RASA3: variants seen among roughly 807,000 people sequenced by gnomAD.
The protein encoded by RASA3 is RAS p21 protein activator 3.
A neutral mutation model predicts 110.0 loss-of-function variants in RASA3; 73 were observed. The observed-to-expected ratio is 0.66, with a 90% CI of 0.55 to 0.81. The LOEUF (loss-of-function observed/expected upper bound fraction) is 0.81, where lower values mean the gene tolerates loss of function less well. RASA3 is among the 30% of genes least tolerant of loss of function. The pLI, the probability that RASA3 is intolerant of heterozygous loss-of-function variation, is 0.00. For synonymous variants in RASA3, 500 were observed against 451.4 expected (o/e 1.11, Z -1.37); for missense variants, 976 against 1,113.2 (o/e 0.88, Z 1.75).
At chr13:114,105,599 G>A (rs573911715) in intron 1 of RASA3, among the ~76,000 whole-genome samples, 6 of 152,252 alleles carry the variant, frequency 3.9e-5, no homozygotes, top group South Asian at 4.2e-4. Flanking sequence ...AGGCACATCC[G>A]GGGCCAGCAC....
intron 1 of RASA3, among the ~76,000 whole-genome samples, chr13:114,097,937 G>A (rs2079967264): frequency 6.6e-6 from 1 of 152,342 alleles, no homozygotes; most frequent in South Asian, 2.1e-4. Context: ...CCCACCACAG[G>A]GGGTCCAGGG....
intron 2 of RASA3, among the ~76,000 whole-genome samples, chr13:114,055,116 A>C (rs925822411): frequency 6.6e-6 from 1 of 150,798 alleles, no homozygotes. Flanking sequence ...GTGTGTCCCC[A>C]CAGGCAGGTG....
intron 1 of RASA3, among the ~76,000 whole-genome samples, chr13:114,093,785 C>CT (rs71210917): frequency 0.39 from 59,444 of 151,588 alleles, 13,660 homozygotes; most frequent in Non-Finnish European, 0.52. Context: ...TTCAAATACT[C>CT]TGTCTTTGAG....
intron 3 of RASA3, among the ~76,000 whole-genome samples, chr13:114,043,209 T>C (rs1401406831): frequency 1.3e-5 from 2 of 152,136 alleles, no homozygotes; most frequent in Admixed American, 6.5e-5. Flanking sequence ...GGCCACATGA[T>C]GGAGCACCAC....
At position 113,984,330 on chromosome 13, in the gene RASA3, C is replaced by A. The variant is rs1285326050; in HGVS notation, c.2246-2472G>T. ...ACCCTATCCATCCACCCATCACTCA[C>A]CCATCCGTCCACCTACCCATCACTC... On this transcript the variant is annotated intron_variant, in intron 22 of 23. Transcript: ENST00000334062. Among the ~76,000 whole-genome samples the A allele has an allele frequency of 2.4e-5, 3 of 123,134 alleles. 1 individual carries two copies. The East Asian group carries it at 8.0e-4, about 33-fold the overall frequency. The allele number at this position is 123,134 out of a possible 152,430, so 80.8% of individuals were successfully genotyped here.
In RASA3 at chr13:114,029,795, T is replaced by C; in HGVS notation, c.449+16A>G. On this transcript the variant is annotated intron_variant, in intron 5 of 23. Coordinates refer to ENST00000334062, the MANE Select transcript of RASA3 (RefSeq NM_007368.4). The stretch of plus-strand genomic sequence containing the variant: ...CACTCGCTGTGCGCTCGGTCTCTAG[T>C]GAGGACGTGTCTTACCGTGTGGCGA... The C allele has an allele frequency of 6.3e-7, 1 of 1,586,714 alleles. No individual in the cohort carries two copies. Among genetic ancestry groups the C allele is most frequent in the South Asian group, 1.2e-5 (1 of 86,848 alleles).
At chr13:113,991,241 G>A (rs8002912) in intron 22 of RASA3, among the ~76,000 whole-genome samples, 3,432 of 17,980 alleles carry the variant, frequency 0.19, 584 homozygotes, top group African/African-American at 0.42. Context: ...GGGCAGCTGC[G>A]CGGACACCCA....
intron 1 of RASA3, among the ~76,000 whole-genome samples, chr13:114,126,182 A>C (rs2080446215): frequency 7.1e-6 from 1 of 141,336 alleles, no homozygotes; most frequent in African/African-American, 2.7e-5. Context: ...CCAACCTCGC[A>C]CCCTCCAGAG....
chr13:114,103,581 A>G (rs543649518), intron 1 of RASA3, among the ~76,000 whole-genome samples: 28 of 11,608 alleles, frequency 2.4e-3, no homozygotes, highest in Non-Finnish European at 3.3e-3. Flanking sequence ...CCATGCTGCC[A>G]CAGCCACGGA....
intron 17 of RASA3, 51 bp downstream of exon 17, chr13:114,009,336 C>CT (rs1294365681): frequency 7.1e-7 from 1 of 1,416,888 alleles, no homozygotes; most frequent in East Asian, 2.3e-5. Flanking sequence ...AAAGAGAACT[C>CT]CGTCTCCTGA....
chr13:114,040,912 G>C, intron 4 of RASA3, 88 bp downstream of exon 4: 2 of 1,259,840 alleles, frequency 1.6e-6, no homozygotes, highest in South Asian at 1.2e-5. Flanking sequence ...CCCGATCTAC[G>C]TCTTTAGCCA....
At chr13:114,124,124 G>A (rs896645194) in intron 1 of RASA3, among the ~76,000 whole-genome samples, 6 of 152,296 alleles carry the variant, frequency 3.9e-5, no homozygotes, top group East Asian at 1.9e-4. Flanking sequence ...CGCTGCAGCC[G>A]TTACTGGCTG....
chr13:114,041,314 G>A (rs2054401637), intron 3 of RASA3, among the ~76,000 whole-genome samples: 1 of 152,250 alleles, frequency 6.6e-6, no homozygotes, highest in Non-Finnish European at 1.5e-5. Context: ...GTGAAAACTT[G>A]TCTCTACAAA....
rs1005816559 is a variant in RASA3, at chr13:114,056,512, C to T, written c.174-4357G>A. 2 of 985,022 alleles carry T rather than the reference C, an allele frequency of 2.0e-6. No individual in the cohort carries two copies. The highest frequency in any genetic ancestry group is 2.4e-6 in the Non-Finnish European group (2 of 829,906). 61.0% of individuals were successfully genotyped at this position (985,022 alleles called of 1,614,324 possible). A position where few individuals can be genotyped will look rare whatever the true frequency, so the allele number is the denominator to read the frequency against. On this transcript the variant is annotated intron_variant, in intron 2 of 23. Transcript: ENST00000334062. The surrounding 1 kb of genome is among the most constrained non-coding windows in gnomAD (Gnocchi z 5.7). ...GGCGTCCCTGGGCGCTGCCCGGTAG[C>T]GGGGTGTTCAGTTGCTCTGCCAAAG...
At chr13:114,127,866 C>T (rs563094829) in intron 1 of RASA3, among the ~76,000 whole-genome samples, 2 of 152,290 alleles carry the variant, frequency 1.3e-5, no homozygotes, top group South Asian at 4.1e-4. Context: ...CCTTTCTCCA[C>T]CTCAGTGCCG....
rs1285802850 is a variant in RASA3, at chr13:114,112,832, GTT to G, written c.55+19601_55+19602del. On this transcript the variant is annotated intron_variant, in intron 1 of 23. Transcript: ENST00000334062. The surrounding 1 kb of genome is among the most constrained non-coding windows in gnomAD (Gnocchi z 4.8). ...GTGGGCTCATCTCTCAGCTCAAAGG[GTT>G]TCCAAGAGAATCCTCAGCAAAAAAG... Among the ~76,000 whole-genome samples, 1 of 152,112 alleles carries G rather than the reference GTT, an allele frequency of 6.6e-6. No individual in the cohort carries two copies. The highest frequency in any genetic ancestry group is 1.9e-4 in the East Asian group (1 of 5,166).
intron 7 of RASA3, among the ~76,000 whole-genome samples, chr13:114,025,711 G>T (rs1378332408): frequency 6.6e-6 from 1 of 152,268 alleles, no homozygotes. Context: ...ATCTCATTTA[G>T]AGAGTTAAAG....
At chr13:114,117,724 A>G (rs2080309597) in intron 1 of RASA3, among the ~76,000 whole-genome samples, 1 of 122,894 alleles carries the variant, frequency 8.1e-6, no homozygotes, top group Non-Finnish European at 1.6e-5. Context: ...TGAGGGATGC[A>G]TGTGTGTGAG....
rs2053640930 is a variant in RASA3, at chr13:114,011,732, G to A, written c.1513-484C>T. ...GAGGTCAGGAGTTCGAGACCAGCCT[G>A]GCCAACATGGTAAAACCCCATCTCT... On this transcript the variant is annotated intron_variant, in intron 15 of 23. Transcript: ENST00000334062. The surrounding 1 kb of genome is among the most constrained non-coding windows in gnomAD (Gnocchi z 4.8). 6.6e-6 allele frequency among the ~76,000 whole-genome samples: 1 copy of A among 152,092 alleles called. No homozygotes were observed. Among genetic ancestry groups the A allele is most frequent in the South Asian group, 2.1e-4 (1 of 4,820 alleles).
Sources: allele counts gnomAD v4.1 joint callset (sites outside exome capture counted in the v4.1 genomes callset), GRCh38; gene constraint gnomAD v4.1.1; non-coding constraint Gnocchi (gnomAD v3.1); transcripts MANE v1.5; gene names NCBI Gene and HGNC (gene_info 2026-07-23, HGNC 2026-07-21).